The following NTNG1 variants were observed in gnomAD, a reference collection of about 807,000 sequenced individuals.
NTNG1 encodes the protein netrin G1.
In NTNG1, 16 loss-of-function variants were observed where a neutral mutation model predicts 54.0. That is an observed-to-expected ratio of 0.30 (90% confidence interval 0.20 to 0.45). The LOEUF (loss-of-function observed/expected upper bound fraction) is 0.45. Among genes scored for constraint, NTNG1 ranks in the 20% least tolerant of loss-of-function variants. NTNG1 has a pLI of 1.00. For synonymous variants in NTNG1, 255 were observed against 263.1 expected, an observed-to-expected ratio of 0.97 and a Z score of 0.30; for missense variants, 530 against 678.7, an observed-to-expected ratio of 0.78 and a Z score of 2.43.
At chr1:107,441,652 A>G (rs1051527879) in intron 7 of NTNG1, among the ~76,000 whole-genome samples, 4 of 152,082 alleles carry the variant, frequency 2.6e-5, no homozygotes, top group Non-Finnish European at 5.9e-5. Context: ...TAATTTAATC[A>G]CATCTATAAA....
intron 3 of NTNG1, among the ~76,000 whole-genome samples, chr1:107,389,855 T>C (rs1291748902): frequency 6.6e-6 from 1 of 152,138 alleles, no homozygotes; most frequent in Admixed American, 6.5e-5. Context: ...AGTCCTCCCC[T>C]GCCTAAAGCG....
intron 3 of NTNG1, among the ~76,000 whole-genome samples, chr1:107,383,051 A>T (rs759715703): frequency 4.6e-5 from 7 of 152,232 alleles, no homozygotes; most frequent in Non-Finnish European, 1.0e-4. Context: ...GCTGGAGTGT[A>T]GTATTCTTTT....
At chr1:107,335,201 A>G (rs1668510084) in intron 3 of NTNG1, among the ~76,000 whole-genome samples, 1 of 152,016 alleles carries the variant, frequency 6.6e-6, no homozygotes, top group Admixed American at 6.6e-5. Context: ...AGTCCATGAA[A>G]AGGAATGAAC....
At chr1:107,311,161 G>T (rs147245676) in intron 2 of NTNG1, among the ~76,000 whole-genome samples, 5 of 152,210 alleles carry the variant, frequency 3.3e-5, no homozygotes, top group Non-Finnish European at 5.9e-5. Context: ...ACACCTCCAT[G>T]CATGACCATT....
At chr1:107,369,554 GTCAGT>G (rs1670796765) in intron 3 of NTNG1, among the ~76,000 whole-genome samples, 1 of 152,080 alleles carries the variant, frequency 6.6e-6, no homozygotes, top group South Asian at 2.1e-4. Flanking sequence ...TTGGTGAAGT[GTCAGT>G]TCAAAACTTT....
chr1:107,254,414 T>C (rs1662801988), intron 2 of NTNG1, among the ~76,000 whole-genome samples: 1 of 152,244 alleles, frequency 6.6e-6, no homozygotes, highest in South Asian at 2.1e-4. Flanking sequence ...GACTGTCATG[T>C]ACCTCACTTC....
At position 107,297,142 on chromosome 1, in the gene NTNG1, C is replaced by CAT. The variant is rs368618016; in HGVS notation, c.247-27128_247-27127dup. Among the ~76,000 whole-genome samples, 20 of 134,224 alleles carry CAT rather than the reference C, an allele frequency of 1.5e-4. No homozygotes were observed. In the East Asian group the frequency reaches 1.9e-3, roughly 13 times the overall value. The allele number at this position is 134,224 out of a possible 152,430, so 88.1% of individuals were successfully genotyped here. A position where few individuals can be genotyped will look rare whatever the true frequency, so the allele number is the denominator to read the frequency against. On this transcript the variant is annotated intron_variant, in intron 2 of 7. Coordinates refer to ENST00000370068, the MANE Select transcript of NTNG1 (RefSeq NM_001113226.3). ...ACACACACATATATATATATAACAT[C>CAT]ATATATATATATAACATCATATATA...
At chr1:107,266,672 G>A (rs899775527) in intron 2 of NTNG1, among the ~76,000 whole-genome samples, 5 of 149,778 alleles carry the variant, frequency 3.3e-5, no homozygotes, top group Non-Finnish European at 5.9e-5. Flanking sequence ...CCTGGATCAA[G>A]TCATTTAACT....
chr1:107,246,668 A>G (rs1041554856), intron 2 of NTNG1, among the ~76,000 whole-genome samples: 2 of 152,086 alleles, frequency 1.3e-5, no homozygotes, highest in Non-Finnish European at 2.9e-5. Flanking sequence ...TGCGGTAGCT[A>G]CTAATGCTGA....
chr1:107,153,089 G>T (rs1654708625), intron 2 of NTNG1, among the ~76,000 whole-genome samples: 1 of 152,096 alleles, frequency 6.6e-6, no homozygotes, highest in Admixed American at 6.6e-5. Flanking sequence ...TTTAATTATT[G>T]TAAGCATTGT....
chr1:107,193,854 C>T (rs936019180), intron 2 of NTNG1, among the ~76,000 whole-genome samples: 1 of 151,686 alleles, frequency 6.6e-6, no homozygotes, highest in Non-Finnish European at 1.5e-5. Flanking sequence ...TTCCTTCCTT[C>T]TTCCTTTTGA....
At chr1:107,218,931 G>A (rs899634963) in intron 2 of NTNG1, among the ~76,000 whole-genome samples, 4 of 152,018 alleles carry the variant, frequency 2.6e-5, no homozygotes, top group African/African-American at 7.2e-5. Flanking sequence ...TGAGCTTCTT[G>A]TACTTGGATG....
chr1:107,268,286 T>C (rs1394017913), intron 2 of NTNG1, among the ~76,000 whole-genome samples: 1 of 152,190 alleles, frequency 6.6e-6, no homozygotes, highest in Non-Finnish European at 1.5e-5. Flanking sequence ...ACTCTAAACA[T>C]GCTTGGGTCC....
intron 2 of NTNG1, among the ~76,000 whole-genome samples, chr1:107,192,051 A>T (rs972173600): frequency 6.6e-6 from 1 of 152,210 alleles, no homozygotes; most frequent in East Asian, 1.9e-4. Context: ...TGATTCTTCC[A>T]ACCCATGAGC....
intron 2 of NTNG1, among the ~76,000 whole-genome samples, chr1:107,169,995 C>T (rs543555141): frequency 6.6e-6 from 1 of 152,318 alleles, no homozygotes; most frequent in African/African-American, 2.4e-5. Flanking sequence ...GCTTCTAAAA[C>T]ATTTCAATTG....
At chr1:107,303,014 A>G (rs1666419854) in intron 2 of NTNG1, among the ~76,000 whole-genome samples, 1 of 152,192 alleles carries the variant, frequency 6.6e-6, no homozygotes, top group Admixed American at 6.5e-5. Flanking sequence ...CTGTAGGTTC[A>G]TGAGCCATCA....
intron 2 of NTNG1, among the ~76,000 whole-genome samples, chr1:107,316,229 C>T (rs747418573): frequency 6.6e-6 from 1 of 152,150 alleles, no homozygotes; most frequent in East Asian, 1.9e-4. Context: ...ACAAAGCAAT[C>T]GGTGTTCCAG....
In NTNG1 at chr1:107,445,171, T is replaced by G. The variant is rs1238286243; in HGVS notation, c.1390+8372T>G. Among the ~76,000 whole-genome samples, 4 of 152,076 alleles carry G rather than the reference T, an allele frequency of 2.6e-5. No homozygotes were observed. The East Asian group carries it at 7.7e-4, about 29-fold the overall frequency. On this transcript the variant is annotated intron_variant, in intron 7 of 7. Transcript: ENST00000370068. ...GAGAGGGTTCTTGAAAACTAAATTG[T>G]AGGAGTCAACACAGTGAGGTGAAAG...
At chr1:107,303,623 A>C (rs1666461781) in intron 2 of NTNG1, among the ~76,000 whole-genome samples, 1 of 152,186 alleles carries the variant, frequency 6.6e-6, no homozygotes, top group African/African-American at 2.4e-5. Flanking sequence ...TTCTCCACTT[A>C]AACTACTATC....
Sources: gnomAD v4.1 joint callset for allele counts (sites outside exome capture counted in the v4.1 genomes callset) on GRCh38, gnomAD v4.1.1 for gene constraint, MANE v1.5 for transcripts, NCBI Gene and HGNC (gene_info 2026-07-23, HGNC 2026-07-21) for gene names.